The following SULT6B1 variants were observed in gnomAD, a reference collection of about 807,000 sequenced individuals.
SULT6B1 encodes the protein sulfotransferase family 6B member 1.
Under a neutral mutation model 37.2 loss-of-function variants are expected in SULT6B1, and 44 were observed. That is an observed-to-expected ratio of 1.18 (90% CI 0.93 to 1.52). The LOEUF (loss-of-function observed/expected upper bound fraction) is 1.52. SULT6B1 is among the 40% of genes most tolerant of loss of function. SULT6B1 has a pLI of 0.00. For missense variants in SULT6B1, 450 were observed against 361.0 expected (o/e 1.25, Z -2.00); for synonymous variants, 140 against 126.0 (o/e 1.11, Z -0.74).
chr2:37,178,394 C>A (rs1411555921), intron 4 of SULT6B1, among the ~76,000 whole-genome samples: 1 of 152,122 alleles, frequency 6.6e-6, no homozygotes, highest in East Asian at 1.9e-4. Flanking sequence ...CAACACCACA[C>A]CTGGCTAATT....
Position 37,188,620 on chromosome 2 carries a change from A to C in SULT6B1, c.21T>G (p.Phe7Leu). 7.1e-7 allele frequency: 1 copy of C among 1,403,634 alleles called. No individual in the cohort carries two copies. Among genetic ancestry groups the C allele is most frequent in the South Asian group, 1.2e-5 (1 of 85,938 alleles). 86.9% of individuals were successfully genotyped at this position (1,403,634 alleles called of 1,614,324 possible). Reference sequence around the variant, plus strand: ...CTAAAGCTTCGTCAATGTATTCAATAAATTTGGATTTATCAGCCATGGTGG... The same window carrying C: ...CTAAAGCTTCGTCAATGTATTCAATCAATTTGGATTTATCAGCCATGGTGG... Reference protein sequence around the residue: MADKSKFIEYIDEALEK... With the variant: MADKSKLIEYIDEALEK... The change falls in exon 1 of 7, where the codon TTT becomes TTG. Residue 7 changes from phenylalanine (F) to leucine (L), a missense_variant. Coordinates refer to ENST00000535679, the MANE Select transcript of SULT6B1 (RefSeq NM_001367551.1).
At chr2:37,175,316 A>G (rs1484729617) in intron 4 of SULT6B1, 90 bp from the exon 5 acceptor site, 4 of 574,444 alleles carry the variant, frequency 7.0e-6, no homozygotes, top group East Asian at 3.2e-5. Context: ...TAAACTATAC[A>G]TATGTGTATA....
At chr2:37,193,602 AG>A (rs1676828375), upstream of SULT6B1, among the ~76,000 whole-genome samples, 1 of 111,044 alleles carries the variant, frequency 9.0e-6, no homozygotes, top group Non-Finnish European at 1.9e-5. Flanking sequence ...AAGAAAAAGA[AG>A]AAGAAGAAGA....
chr2:37,184,889 A>T (rs74580243), intron 2 of SULT6B1, among the ~76,000 whole-genome samples: 3,524 of 152,282 alleles, frequency 0.023, 64 homozygotes, highest in Middle Eastern at 0.054. Context: ...GGGGCAAAAA[A>T]TGAAATTTTA....
At chr2:37,185,717 C>CAAAAAAAAAAAAAAAA (rs200087048) in intron 2 of SULT6B1, among the ~76,000 whole-genome samples, 2 of 83,388 alleles carry the variant, frequency 2.4e-5, no homozygotes, top group Non-Finnish European at 5.0e-5. Flanking sequence ...GACTCCATTT[C>CAAAAAAAAAAAAAAAA]AAAAAAAAAA....
At chr2:37,170,693 G>C (rs1676274120) in intron 6 of SULT6B1, among the ~76,000 whole-genome samples, 1 of 139,936 alleles carries the variant, frequency 7.1e-6, no homozygotes, top group African/African-American at 2.7e-5. Context: ...AGCCAAGATT[G>C]TGCCACTGCA....
rs1676504553 is a variant in SULT6B1 at position 37,179,531 on chromosome 2, G to C, written c.456C>G (p.Phe152Leu). ...TTGGAATATCGGGGACATCGTTGTG[G>C]AAATGCAAAAAAGATACTGCTGTAT... ...PKDTAVSFLH[F>L]HNDVPDIPSY... Residue 152 changes from phenylalanine to leucine, a missense_variant, in exon 4 of 7, where the codon TTC (phenylalanine) becomes TTG (leucine). Phe to Leu is a conservative substitution (Grantham distance 22). Transcript: ENST00000535679. The C allele has an allele frequency of 6.2e-7, 1 of 1,613,720 alleles. No homozygotes were observed. The highest frequency in any genetic ancestry group is 8.5e-7 in the Non-Finnish European group (1 of 1,179,832).
intron 6 of SULT6B1, among the ~76,000 whole-genome samples, chr2:37,171,040 C>T (rs1676285667): frequency 6.6e-6 from 1 of 152,150 alleles, no homozygotes; most frequent in Non-Finnish European, 1.5e-5. Flanking sequence ...AGATCAAGAC[C>T]ATCCTGGCCA....
intron 2 of SULT6B1, among the ~76,000 whole-genome samples, chr2:37,183,832 C>A (rs1333290329): frequency 2.6e-5 from 4 of 152,012 alleles, no homozygotes; most frequent in Non-Finnish European, 5.9e-5. Flanking sequence ...TTAGTAGAGA[C>A]AGGGTTTCAC....
At chr2:37,186,755 G>T (rs900552576) in intron 2 of SULT6B1, among the ~76,000 whole-genome samples, 14 of 152,178 alleles carry the variant, frequency 9.2e-5, no homozygotes, top group African/African-American at 2.9e-4. Flanking sequence ...AATTAACCAG[G>T]TGTACTGGCA....
rs10182091 is a variant in SULT6B1, at chr2:37,179,501, A to G, written c.486T>C (p.Tyr162=). 0.29 allele frequency: 471,309 copies of G among 1,610,832 alleles called. 78,593 individuals are homozygous for G. Among genetic ancestry groups the G allele is most frequent in the East Asian group, 0.76 (34,223 of 44,750 alleles). ...GTCTGAAGAATTCATCCCAAGAGCCATAGCTTGGAATATCGGGGACATCGT... is the reference window on the plus strand; with the variant it reads ...GTCTGAAGAATTCATCCCAAGAGCCGTAGCTTGGAATATCGGGGACATCGT... The part of the protein sequence containing the change: ...FHNDVPDIPS[Y]GSWDEFFRQF... The change falls in exon 4 of 7, where the codon TAT becomes TAC. Residue 162 remains tyrosine (Y), a synonymous_variant. Transcript: ENST00000535679.
chr2:37,168,742 T>G (rs2148282396), intron 6 of SULT6B1, among the ~76,000 whole-genome samples: 1 of 152,344 alleles, frequency 6.6e-6, no homozygotes, highest in African/African-American at 2.4e-5. Context: ...CAGATACTGA[T>G]AATTTTGCAA....
At chr2:37,169,572 C>A (rs1386391897) in intron 6 of SULT6B1, among the ~76,000 whole-genome samples, 1 of 152,138 alleles carries the variant, frequency 6.6e-6, no homozygotes, top group Non-Finnish European at 1.5e-5. Context: ...TCACTGCAAC[C>A]TCCACCTCCC....
At chr2:37,183,923 C>T (rs905748735) in intron 2 of SULT6B1, among the ~76,000 whole-genome samples, 6 of 152,110 alleles carry the variant, frequency 3.9e-5, no homozygotes, top group Admixed American at 1.3e-4. Flanking sequence ...CGATTACAGG[C>T]GTGAGCCACT....
At chr2:37,179,715 A>G in intron 3 of SULT6B1, 131 bp from the exon 4 acceptor site, 1 of 788,100 alleles carries the variant, frequency 1.3e-6, no homozygotes, top group Non-Finnish European at 1.9e-6. Context: ...AAAGAATGAC[A>G]GTAGGAAACT....
chr2:37,168,091 C>G (rs1313328751), intron 6 of SULT6B1, 26 bp from the exon 7 acceptor site: 1 of 1,550,574 alleles, frequency 6.4e-7, no homozygotes, highest in Admixed American at 2.3e-5. Flanking sequence ...AACAGTAGAC[C>G]CAGATATCTG....
At chr2:37,176,226 AAAACAG>A in intron 4 of SULT6B1, among the ~76,000 whole-genome samples, 1 of 152,106 alleles carries the variant, frequency 6.6e-6, no homozygotes, top group African/African-American at 2.4e-5. Flanking sequence ...TCAAATGCTA[AAAACAG>A]TGCCTGCTTC....
intron 5 of SULT6B1, among the ~76,000 whole-genome samples, chr2:37,173,042 G>A (rs574711094): frequency 7.2e-4 from 105 of 146,740 alleles, no homozygotes; most frequent in African/African-American, 2.2e-3. Context: ...TAGTAGAGAC[G>A]GGGTTTCACT....
chr2:37,192,294 A>G (rs1676795358), upstream of SULT6B1, among the ~76,000 whole-genome samples: 1 of 152,210 alleles, frequency 6.6e-6, no homozygotes, highest in Non-Finnish European at 1.5e-5. Flanking sequence ...CTATATGTCA[A>G]CAGAAAGTGA....
Sources: gnomAD v4.1 joint callset for allele counts (sites outside exome capture counted in the v4.1 genomes callset) on GRCh38, gnomAD v4.1.1 for gene constraint, MANE v1.5 for transcripts, NCBI Gene and HGNC (gene_info 2026-07-23, HGNC 2026-07-21) for gene names.